HAUS6: variants seen among roughly 807,000 people sequenced by gnomAD.
The protein encoded by HAUS6 is HAUS augmin-like complex subunit 6.
Under a neutral mutation model 106.8 loss-of-function variants are expected in HAUS6, and 80 were observed. The observed-to-expected ratio is 0.75, with a 90% confidence interval of 0.63 to 0.90. The LOEUF is 0.90. HAUS6 is among the 40% of genes least tolerant of loss of function. The pLI is 0.00. For missense variants in HAUS6, 1,155 were observed against 1,118.1 expected, an observed-to-expected ratio of 1.03 and a Z score of -0.47; for synonymous variants, 356 against 379.1, an observed-to-expected ratio of 0.94 and a Z score of 0.71.
In HAUS6 at chr9:19,058,205, C is replaced by T. The variant is rs376425978; in HGVS notation, c.2562G>A (p.Ser854=). The change falls in exon 16 of 17, where the codon TCG becomes TCA. Residue 854 remains serine (S), a synonymous_variant. Transcript: ENST00000380502. Reference sequence around the variant, plus strand: ...TGTGTCTTTCGGGTGTTTGGGAATTCGAGAGGTAAGATTCTTCCCTTTTCT... The same window carrying T: ...TGTGTCTTTCGGGTGTTTGGGAATTTGAGAGGTAAGATTCTTCCCTTTTCT... ...LSKKREESYL[S]NSQTPERHKP... is the part of the protein sequence containing the mutation. The T allele has an allele frequency of 2.4e-5, 38 of 1,613,684 alleles. No individual in the cohort carries two copies. The highest frequency in any genetic ancestry group is 8.3e-5 in the Admixed American group (5 of 59,978).
rs1836431584 is a variant in HAUS6 at position 19,054,636 on chromosome 9, G to C, written c.*1707C>G. ...TTTCTCAGACTTGGGTGGCCAACTT[G>C]AGCTTCCCTATCAGATAGTTACCAA... On this transcript the variant is annotated 3_prime_UTR_variant, in exon 17 of 17. Coordinates refer to ENST00000380502, the MANE Select transcript of HAUS6 (RefSeq NM_017645.5). The C allele has an allele frequency of 1.3e-5, 2 of 152,156 alleles. No homozygotes were observed. Among genetic ancestry groups the C allele is most frequent in the Admixed American group, 1.3e-4 (2 of 15,272 alleles). 9.4% of individuals were successfully genotyped at this position (152,156 alleles called of 1,614,324 possible).
intron 12 of HAUS6, among the ~76,000 whole-genome samples, chr9:19,069,048 C>T (rs1836828969): frequency 1.3e-5 from 2 of 151,838 alleles, no homozygotes; most frequent in African/African-American, 2.4e-5. Context: ...CAATATATAA[C>T]ATATATAAAA....
chr9:19,073,211 A>C, intron 11 of HAUS6, among the ~76,000 whole-genome samples: 1 of 152,162 alleles, frequency 6.6e-6, no homozygotes, highest in East Asian at 1.9e-4. Context: ...TGAATATTGC[A>C]AACCTTTGCC....
Position 19,087,252 on chromosome 9 carries a change from G to T in HAUS6, c.585-96C>A, listed in dbSNP as rs546099003. On this transcript the variant is annotated intron_variant, in intron 5 of 16. Coordinates refer to ENST00000380502, the MANE Select transcript of HAUS6 (RefSeq NM_017645.5). ...TTCCCTTTGCATATCCTTGTTTAAG[G>T]CCTCTGGGTACAGCCACCAGCAAGC... The T allele has an allele frequency of 5.3e-6, 4 of 752,096 alleles. No individual in the cohort carries two copies. The African/African-American group carries it at 7.0e-5, about 13-fold the overall frequency. The allele number at this position is 752,096 out of a possible 1,614,324, so 46.6% of individuals were successfully genotyped here.
Position 19,083,058 on chromosome 9 carries a change from A to G in HAUS6, c.700-15T>C, listed in dbSNP as rs1837199135. On this transcript the variant is annotated splice_polypyrimidine_tract_variant and intron_variant, in intron 7 of 16. Coordinates refer to ENST00000380502, the MANE Select transcript of HAUS6 (RefSeq NM_017645.5). ...AAAGACCGAACCTTTGGAAACAGAA[A>G]CAAAATATTAAAGTCCACACATAAT... 6.5e-7 allele frequency: 1 copy of G among 1,540,896 alleles called. No individual in the cohort carries two copies. Among genetic ancestry groups the G allele is most frequent in the Non-Finnish European group, 8.8e-7 (1 of 1,135,916 alleles).
At chr9:19,095,924 GA>G (rs1226947000) in intron 2 of HAUS6, among the ~76,000 whole-genome samples, 1 of 151,790 alleles carries the variant, frequency 6.6e-6, no homozygotes, top group East Asian at 1.9e-4. Context: ...ATATATCAAT[GA>G]AAAAAATAAG....
At position 19,053,248 on chromosome 9, in the gene HAUS6, A is replaced by G. The variant is rs1362016695; in HGVS notation, c.*3095T>C. ...CTTAGGATGCAGACTGCTATTCACA[A>G]TGCATAAAGAAAAAGGTGATCTCTA... On this transcript the variant is annotated 3_prime_UTR_variant, in exon 17 of 17. Coordinates refer to ENST00000380502, the MANE Select transcript of HAUS6 (RefSeq NM_017645.5). 2 of 152,174 alleles carry G rather than the reference A, an allele frequency of 1.3e-5. No homozygotes were observed. The highest frequency in any genetic ancestry group is 1.9e-4 in the East Asian group (1 of 5,204). 9.4% of individuals were successfully genotyped at this position (152,174 alleles called of 1,614,324 possible). A position where few individuals can be genotyped will look rare whatever the true frequency, so the allele number is the denominator to read the frequency against.
intron 7 of HAUS6, among the ~76,000 whole-genome samples, chr9:19,085,951 GC>G (rs1250469705): frequency 6.6e-6 from 1 of 151,592 alleles, no homozygotes; most frequent in East Asian, 1.9e-4. Context: ...TGTTTTAGAG[GC>G]ACTCTATCAA....
chr9:19,063,170 T>C lies in HAUS6; in HGVS notation c.1467A>G (p.Lys489=), dbSNP rs755486457. ...TCTTAGAAATTGCTTCATTTTTTTC[T>C]TTGGGAGTTCCCATCTTTGTGTCCT... The part of the protein sequence containing the change: ...LEKDTKMGTP[K]EKNEAISKKI... The change falls in exon 14 of 17, where the codon AAA becomes AAG. Residue 489 remains lysine (K), a synonymous_variant. Transcript: ENST00000380502. 12 of 1,604,038 alleles carry C rather than the reference T, an allele frequency of 7.5e-6. No individual in the cohort carries two copies. Among genetic ancestry groups the C allele is most frequent in the Non-Finnish European group, 1.0e-5 (12 of 1,172,904 alleles).
chr9:19,066,784 A>G (rs1836768093), intron 12 of HAUS6, among the ~76,000 whole-genome samples: 2 of 149,064 alleles, frequency 1.3e-5, no homozygotes, highest in African/African-American at 2.5e-5. Flanking sequence ...ACCTGAGCTC[A>G]GAAGTTTGAG....
rs754771066 is a variant in HAUS6 at position 19,094,360 on chromosome 9, G to C, written c.260C>G (p.Thr87Ser). The C allele has an allele frequency of 4.4e-6, 7 of 1,609,182 alleles. No homozygotes were observed. Among genetic ancestry groups the C allele is most frequent in the Non-Finnish European group, 6.0e-6 (7 of 1,176,358 alleles). ...TTCACAGCAATGTTTTCGGAATTCA[G>C]TGTCACTTTTTTGGTCAAATGGGGG... Reference protein sequence around the residue: ...CWPPFDQKSDTEFRKHCCEWI... With the variant: ...CWPPFDQKSDSEFRKHCCEWI... The change falls in exon 3 of 17, where the codon ACT (threonine) becomes AGT (serine). Residue 87 changes from threonine to serine, a missense_variant. Physicochemically the swap from Thr to Ser is moderately conservative, Grantham distance 58 (BLOSUM62 1). Around this residue, in one of 3 missense-constraint regions of HAUS6, gnomAD observed 761 missense variants for 690.0 expected, o/e 1.10. Transcript: ENST00000380502.
At chr9:19,091,738 T>C (rs1010906571) in intron 4 of HAUS6, among the ~76,000 whole-genome samples, 41 of 152,170 alleles carry the variant, frequency 2.7e-4, no homozygotes, top group African/African-American at 8.4e-4. Context: ...CTTGGCTCAC[T>C]GCACCCTCTG....
intron 2 of HAUS6, among the ~76,000 whole-genome samples, chr9:19,094,864 AT>A (rs1349085807): frequency 1.3e-5 from 2 of 152,152 alleles, no homozygotes; most frequent in Admixed American, 1.3e-4. Context: ...CCTGTGAGAA[AT>A]TTAATTTTTT....
intron 1 of HAUS6, 135 bp downstream of exon 1, chr9:19,102,389 T>C (rs1446656363): frequency 2.0e-6 from 2 of 982,456 alleles, no homozygotes; most frequent in Non-Finnish European, 3.0e-6. Flanking sequence ...GAGTAGGAAC[T>C]TTGGAGCCAA....
chr9:19,091,227 G>T (rs1382209117), intron 4 of HAUS6, among the ~76,000 whole-genome samples: 1 of 151,958 alleles, frequency 6.6e-6, no homozygotes, highest in Non-Finnish European at 1.5e-5. Context: ...TTGAACCCGG[G>T]AAGTGGATGT....
Position 19,084,582 on chromosome 9 carries a change from C to T in HAUS6, c.700-1539G>A, listed in dbSNP as rs117230782. On this transcript the variant is annotated intron_variant, in intron 7 of 16. Coordinates refer to ENST00000380502, the MANE Select transcript of HAUS6 (RefSeq NM_017645.5). ...TAATTATACACATGTTCTTCCTGCACGATAAAAATACAATATTAAATATCT... is the reference window on the plus strand; with the variant it reads ...TAATTATACACATGTTCTTCCTGCATGATAAAAATACAATATTAAATATCT... Among the ~76,000 whole-genome samples the T allele has an allele frequency of 2.6e-5, 4 of 151,350 alleles. No homozygotes were observed. The East Asian group carries it at 5.8e-4, about 22-fold the overall frequency.
chr9:19,094,850 C>A (rs984073077), intron 2 of HAUS6, among the ~76,000 whole-genome samples: 2 of 151,938 alleles, frequency 1.3e-5, no homozygotes, highest in African/African-American at 2.4e-5. Context: ...TAGAGAGACA[C>A]CAACCTGTGA....
At position 19,087,127 on chromosome 9, in the gene HAUS6, C is replaced by G; in HGVS notation, c.614G>C (p.Arg205Thr). The change falls in exon 6 of 17, where the codon AGA (arginine) becomes ACA (threonine). Residue 205 changes from arginine (R) to threonine (T), a missense_variant. Physicochemically the swap from Arg to Thr is moderately conservative, Grantham distance 71. Transcript: ENST00000380502. ...GTTTTCCAATCCTATACATTCAGAT[C>G]TCAAGTTTCGTACCTGCTTAACTGA... is the stretch of plus-strand genomic sequence containing the variant. ...QLSVKQVRNLRSECIGLENQI... is the reference protein window; with the variant it reads ...QLSVKQVRNLTSECIGLENQI... 1 of 1,543,944 alleles carries G rather than the reference C, an allele frequency of 6.5e-7. No homozygotes were observed. The highest frequency in any genetic ancestry group is 9.0e-7 in the Non-Finnish European group (1 of 1,116,676).
chr9:19,098,377 G>C (rs1276435623), intron 1 of HAUS6, among the ~76,000 whole-genome samples: 1 of 149,410 alleles, frequency 6.7e-6, no homozygotes, highest in Non-Finnish European at 1.5e-5. Context: ...GGCAGAGGTT[G>C]CAGTGAGCCA....
Sources: gnomAD v4.1 joint callset for allele counts (sites outside exome capture counted in the v4.1 genomes callset) on GRCh38, gnomAD v4.1.1 for gene constraint, gnomAD v4.1.1 regional missense constraint, MANE v1.5 for transcripts, NCBI Gene and HGNC (gene_info 2026-07-23, HGNC 2026-07-21) for gene names.